TRPM3: variants seen among roughly 807,000 people sequenced by gnomAD.
TRPM3 encodes transient receptor potential cation channel subfamily M member 3.
Under a neutral mutation model 181.2 loss-of-function variants are expected in TRPM3, and 77 were observed. The observed-to-expected ratio is 0.42, with a 90% CI of 0.35 to 0.51. The LOEUF is 0.51. TRPM3 is among the 20% of genes least tolerant of loss of function. The pLI is 0.01. For missense variants in TRPM3, 1,759 were observed against 2,196.7 expected, an observed-to-expected ratio of 0.80 and a Z score of 3.98; for synonymous variants, 745 against 796.4, an observed-to-expected ratio of 0.94 and a Z score of 1.09.
At chr9:71,193,057 A>G (rs1233709048) in intron 1 of TRPM3, among the ~76,000 whole-genome samples, 1 of 151,920 alleles carries the variant, frequency 6.6e-6, no homozygotes, top group Non-Finnish European at 1.5e-5. Flanking sequence ...AGGAGATGAC[A>G]TGAATGGGTA....
intron 1 of TRPM3, chr9:70,868,995 G>A (rs1003638504): frequency 2.0e-6 from 2 of 985,070 alleles, no homozygotes; most frequent in Non-Finnish European, 2.4e-6. Context: ...CCTGAGCACT[G>A]ATTCTGGGTA....
intron 25 of TRPM3, 64 bp from the exon 26 acceptor site, chr9:70,537,469 A>G: frequency 7.3e-7 from 1 of 1,367,040 alleles, no homozygotes; most frequent in South Asian, 2.2e-5. Context: ...TTTAGAGAGC[A>G]AGGATAAAGG....
chr9:70,995,170 A>C (rs2097530261), intron 1 of TRPM3, among the ~76,000 whole-genome samples: 1 of 152,170 alleles, frequency 6.6e-6, no homozygotes, highest in Non-Finnish European at 1.5e-5. Context: ...TTAGTCTACA[A>C]GTCTCTACAG....
intron 1 of TRPM3, among the ~76,000 whole-genome samples, chr9:71,437,390 G>T (rs1182121639): frequency 6.6e-6 from 1 of 152,002 alleles, no homozygotes; most frequent in Non-Finnish European, 1.5e-5. Context: ...TTTTTAAATG[G>T]TTAAAATATC....
chr9:71,198,267 T>G (rs1785392249), intron 1 of TRPM3, among the ~76,000 whole-genome samples: 1 of 152,138 alleles, frequency 6.6e-6, no homozygotes, highest in South Asian at 2.1e-4. Flanking sequence ...CTGTTTTGGT[T>G]ACTGTAGCCT....
chr9:71,296,928 G>T (rs2086313082), intron 1 of TRPM3, among the ~76,000 whole-genome samples: 1 of 150,788 alleles, frequency 6.6e-6, no homozygotes, highest in Non-Finnish European at 1.5e-5. Flanking sequence ...ACTGCAGAAA[G>T]AAGATTTAAA....
chr9:71,378,252 G>T (rs1229558961), intron 1 of TRPM3, among the ~76,000 whole-genome samples: 2 of 152,058 alleles, frequency 1.3e-5, no homozygotes, highest in Non-Finnish European at 2.9e-5. Context: ...TTAAATCACA[G>T]TAAGCTACCA....
At chr9:71,303,772 T>C (rs989153347) in intron 1 of TRPM3, among the ~76,000 whole-genome samples, 6 of 152,066 alleles carry the variant, frequency 3.9e-5, no homozygotes, top group Non-Finnish European at 7.4e-5. Context: ...GGAGAAAAGG[T>C]AGAACATAAA....
intron 1 of TRPM3, among the ~76,000 whole-genome samples, chr9:71,069,364 A>C (rs956416624): frequency 7.2e-5 from 11 of 151,946 alleles, no homozygotes; most frequent in Non-Finnish European, 1.5e-4. Flanking sequence ...TTTTTAGTAG[A>C]GTCAGGGTTT....
At chr9:71,103,339 T>C (rs1168476741) in intron 1 of TRPM3, among the ~76,000 whole-genome samples, 4 of 152,174 alleles carry the variant, frequency 2.6e-5, no homozygotes, top group African/African-American at 9.7e-5. Flanking sequence ...TAGAACAAAG[T>C]ATTGAGTGCC....
chr9:70,986,739 T>C (rs1342383020), intron 1 of TRPM3, among the ~76,000 whole-genome samples: 2 of 152,166 alleles, frequency 1.3e-5, no homozygotes, highest in East Asian at 3.8e-4. Context: ...AAAATGTGAA[T>C]GTGCAAAAAC....
chr9:71,050,440 T>G (rs1390356088), intron 1 of TRPM3, among the ~76,000 whole-genome samples: 1 of 152,212 alleles, frequency 6.6e-6, no homozygotes, highest in East Asian at 1.9e-4. Context: ...AGACTAGTTT[T>G]AAAGTCCCTG....
intron 1 of TRPM3, among the ~76,000 whole-genome samples, chr9:71,129,883 T>G (rs2074266225): frequency 1.3e-5 from 2 of 152,196 alleles, no homozygotes; most frequent in Non-Finnish European, 2.9e-5. Context: ...CATATCCCTT[T>G]CCCTACCTTC....
chr9:70,601,150 G>A (rs1237894206), intron 20 of TRPM3, among the ~76,000 whole-genome samples: 1 of 152,162 alleles, frequency 6.6e-6, no homozygotes, highest in Non-Finnish European at 1.5e-5. Context: ...AAAACCCTGA[G>A]TCTCAGTTCC....
At chr9:70,576,912 T>C (rs1253204078) in intron 22 of TRPM3, among the ~76,000 whole-genome samples, 1 of 152,224 alleles carries the variant, frequency 6.6e-6, no homozygotes, top group African/African-American at 2.4e-5. Flanking sequence ...GCCCTTGCTG[T>C]TCTCTCTGTC....
chr9:71,400,633 T>C (rs574534964), intron 1 of TRPM3, among the ~76,000 whole-genome samples: 1 of 152,134 alleles, frequency 6.6e-6, no homozygotes, highest in Non-Finnish European at 1.5e-5. Context: ...ATTAAATTTT[T>C]TGAAATTATT....
At chr9:70,963,287 C>T (rs2097155051) in intron 1 of TRPM3, among the ~76,000 whole-genome samples, 1 of 152,180 alleles carries the variant, frequency 6.6e-6, no homozygotes, top group Non-Finnish European at 1.5e-5. Context: ...ATTATCATAA[C>T]CACAGAATAA....
At chr9:70,739,274 T>C (rs2073458906) in intron 8 of TRPM3, among the ~76,000 whole-genome samples, 1 of 152,122 alleles carries the variant, frequency 6.6e-6, no homozygotes, top group African/African-American at 2.4e-5. Context: ...AAAAAGATAA[T>C]ACATCATGAT....
chr9:70,888,026 A>G (rs1028660550), intron 1 of TRPM3, among the ~76,000 whole-genome samples: 2 of 152,222 alleles, frequency 1.3e-5, no homozygotes, highest in African/African-American at 2.4e-5. Flanking sequence ...AATGGTAATG[A>G]ACAGTCAAGC....
Sources: allele counts gnomAD v4.1 joint callset (sites outside exome capture counted in the v4.1 genomes callset), GRCh38; gene constraint gnomAD v4.1.1; transcripts MANE v1.5; gene names NCBI Gene and HGNC (gene_info 2026-07-23, HGNC 2026-07-21).